The following ADAMTS12 variants were observed in gnomAD, a reference collection of about 807,000 sequenced individuals.
ADAMTS12 encodes the protein A disintegrin and metalloproteinase with thrombospondin motifs 12.
ADAMTS12 carries 118 observed loss-of-function variants against 167.8 expected under a neutral mutation model. The observed-to-expected ratio is 0.70, with a 90% CI of 0.61 to 0.82. The LOEUF is 0.82. Ranked by LOEUF, ADAMTS12 falls within the 40% of genes least tolerant of loss-of-function variation. The probability of loss-of-function intolerance (pLI) is 0.00; values close to 1 mark genes in which losing one functional copy is unlikely to be tolerated. For missense variants in ADAMTS12, 1,916 were observed against 1,998.8 expected (o/e 0.96, Z 0.79); for synonymous variants, 704 against 716.9 (o/e 0.98, Z 0.29).
At chr5:33,643,222 G>A (rs1272886101) in intron 10 of ADAMTS12, among the ~76,000 whole-genome samples, 156 bp downstream of exon 10, 1 of 152,168 alleles carries the variant, frequency 6.6e-6, no homozygotes, top group Admixed American at 6.5e-5. Flanking sequence ...ACCAGGAGTG[G>A]TGGATGTGGG....
At position 33,616,088 on chromosome 5, in the gene ADAMTS12, A is replaced by G. The variant is rs988593212; in HGVS notation, c.2144-16T>C. 1 of 1,612,344 alleles carries G rather than the reference A, an allele frequency of 6.2e-7. No individual in the cohort carries two copies. Among genetic ancestry groups the G allele is most frequent in the East Asian group, 2.2e-5 (1 of 44,816 alleles). On this transcript the variant is annotated splice_polypyrimidine_tract_variant and intron_variant, in intron 14 of 23. Transcript: ENST00000504830. ...TCAACATAACCTAAAGAGAGAAGAC[A>G]CAATCATGAAAGAGGCACGCCAGCT...
At chr5:33,593,688 G>A (rs1195771242) in intron 17 of ADAMTS12, among the ~76,000 whole-genome samples, 1 of 152,108 alleles carries the variant, frequency 6.6e-6, no homozygotes, top group Non-Finnish European at 1.5e-5. Flanking sequence ...AGGGAGTTGG[G>A]GGGCTAGGGG....
At chr5:33,823,091 TAA>T (rs34101310) in intron 2 of ADAMTS12, among the ~76,000 whole-genome samples, 198 of 140,136 alleles carry the variant, frequency 1.4e-3, no homozygotes, top group Non-Finnish European at 1.8e-3. Flanking sequence ...ACCCCATTTC[TAA>T]AAAAAAAAAA....
intron 2 of ADAMTS12, among the ~76,000 whole-genome samples, chr5:33,765,319 A>G (rs1175001819): frequency 6.6e-6 from 1 of 152,232 alleles, no homozygotes; most frequent in Non-Finnish European, 1.5e-5. Context: ...TTCACCTGAG[A>G]GAATTAGTAA....
chr5:33,561,282 A>G, intron 19 of ADAMTS12, 103 bp from the exon 20 acceptor site: 1 of 1,414,446 alleles, frequency 7.1e-7, no homozygotes, highest in Non-Finnish European at 9.5e-7. Context: ...GTTTGCTAAC[A>G]TTGCCCACAG....
intron 3 of ADAMTS12, among the ~76,000 whole-genome samples, chr5:33,718,029 C>T (rs541202880): frequency 2.6e-5 from 4 of 152,298 alleles, no homozygotes; most frequent in East Asian, 1.9e-4. Context: ...TTTTAAATTG[C>T]GCTTCTCACG....
chr5:33,661,999 A>C lies in ADAMTS12; in HGVS notation c.957T>G (p.Ser319=), dbSNP rs1486460191. The C allele has an allele frequency of 6.2e-7, 1 of 1,612,822 alleles. No individual in the cohort carries two copies. The highest frequency in any genetic ancestry group is 8.5e-7 in the Non-Finnish European group (1 of 1,179,634). Residue 319 remains serine (S), a synonymous_variant, in exon 6 of 24, where the codon TCT becomes TCG. Transcript: ENST00000504830. ...TACTCTTCTGCCACTTGCAGAAGCTAGACAGTGTCTTTTCTGCATGGTGAA... is the reference window on the plus strand; with the variant it reads ...TACTCTTCTGCCACTTGCAGAAGCTCGACAGTGTCTTTTCTGCATGGTGAA... ...KIVHHAEKTL[S]SFCKWQKSIN...
At chr5:33,885,284 TAATA>T (rs979403884) in intron 1 of ADAMTS12, among the ~76,000 whole-genome samples, 1 of 152,286 alleles carries the variant, frequency 6.6e-6, no homozygotes, top group African/African-American at 2.4e-5. Flanking sequence ...TGAGATATAT[TAATA>T]TATATGCATA....
chr5:33,823,268 ATGAG>A (rs992197306), intron 2 of ADAMTS12, among the ~76,000 whole-genome samples: 2 of 152,200 alleles, frequency 1.3e-5, no homozygotes, highest in Non-Finnish European at 2.9e-5. Context: ...GGTAACATGA[ATGAG>A]TGAAGCACAC....
intron 3 of ADAMTS12, among the ~76,000 whole-genome samples, chr5:33,729,477 C>T (rs1744100600): frequency 6.6e-6 from 1 of 152,230 alleles, no homozygotes; most frequent in Non-Finnish European, 1.5e-5. Context: ...ATTAAGTCTC[C>T]TTCCCATTTC....
rs1743769870 is a variant in ADAMTS12, at chr5:33,525,425, T to C, written c.*1763A>G. On this transcript the variant is annotated 3_prime_UTR_variant, in exon 24 of 24. Coordinates refer to ENST00000504830, the MANE Select transcript of ADAMTS12 (RefSeq NM_030955.4). ...AGGAATTCATGAGAGTAATACACGTTAATGGCTTGGAAAAAAATAAAAAGC... is the reference window on the plus strand; with the variant it reads ...AGGAATTCATGAGAGTAATACACGTCAATGGCTTGGAAAAAAATAAAAAGC... The C allele has an allele frequency of 6.6e-6, 1 of 152,230 alleles. No homozygotes were observed. Among genetic ancestry groups the C allele is most frequent in the African/African-American group, 2.4e-5 (1 of 41,456 alleles). The allele number at this position is 152,230 out of a possible 1,614,324, so 9.4% of individuals were successfully genotyped here. A position where few individuals can be genotyped will look rare whatever the true frequency, so the allele number is the denominator to read the frequency against.
intron 3 of ADAMTS12, among the ~76,000 whole-genome samples, chr5:33,704,272 G>A (rs77477692): frequency 0.013 from 1,997 of 152,080 alleles, 44 homozygotes; most frequent in African/African-American, 0.046. Flanking sequence ...GATCGCTTCC[G>A]TATCTTGGCT....
chr5:33,662,122 G>A, intron 5 of ADAMTS12, 82 bp from the exon 6 acceptor site: 1 of 1,540,550 alleles, frequency 6.5e-7, no homozygotes, highest in Non-Finnish European at 8.8e-7. Flanking sequence ...ATCTCCAGAG[G>A]TGTCCAAGTG....
intron 17 of ADAMTS12, among the ~76,000 whole-genome samples, chr5:33,593,592 C>T (rs1329057585): frequency 2.0e-5 from 3 of 152,228 alleles, no homozygotes; most frequent in South Asian, 4.1e-4. Flanking sequence ...AAACCAAATA[C>T]CATGTCATGT....
intron 2 of ADAMTS12, among the ~76,000 whole-genome samples, chr5:33,824,536 G>T (rs1747988108): frequency 6.6e-6 from 1 of 152,114 alleles, no homozygotes; most frequent in Admixed American, 6.5e-5. Flanking sequence ...CTAAAGAATA[G>T]ATTCCTCCAC....
chr5:33,720,750 C>A lies in ADAMTS12; in HGVS notation c.634+30654G>T, dbSNP rs186953766. 4.6e-5 allele frequency among the ~76,000 whole-genome samples: 7 copies of A among 152,230 alleles called. No individual in the cohort carries two copies. The East Asian group carries it at 1.4e-3, about 29-fold the overall frequency. On this transcript the variant is annotated intron_variant, in intron 3 of 23. Coordinates refer to ENST00000504830, the MANE Select transcript of ADAMTS12 (RefSeq NM_030955.4). ...GAAACCCTTATACACTGCTGGTGAG[C>A]GGGTAAATTGGTACAACCATTTTGC...
At chr5:33,722,874 C>T (rs150889186) in intron 3 of ADAMTS12, among the ~76,000 whole-genome samples, 5 of 152,238 alleles carry the variant, frequency 3.3e-5, no homozygotes, top group African/African-American at 1.2e-4. Flanking sequence ...AGCAAACTGG[C>T]CTATAGTGAG....
chr5:33,844,485 A>G lies in ADAMTS12; in HGVS notation c.489+36634T>C, dbSNP rs140247667. On this transcript the variant is annotated intron_variant, in intron 2 of 23. Transcript: ENST00000504830. ...CTATGGTGGAAACTGTAGGGATGAA[A>G]TAAGTCCCAGTCTCCCATAGTGCTC... 6.6e-3 allele frequency among the ~76,000 whole-genome samples: 1,009 copies of G among 152,312 alleles called. 13 individuals carry two copies. The highest frequency in any genetic ancestry group is 0.023 in the African/African-American group (971 of 41,552).
intron 18 of ADAMTS12, among the ~76,000 whole-genome samples, chr5:33,587,006 G>A (rs979175697): frequency 1.3e-5 from 2 of 150,646 alleles, no homozygotes; most frequent in East Asian, 3.9e-4. Flanking sequence ...CCACTGGATG[G>A]AAGTTCTTAC....
Sources: gnomAD v4.1 joint callset for allele counts (sites outside exome capture counted in the v4.1 genomes callset) on GRCh38, gnomAD v4.1.1 for gene constraint, MANE v1.5 for transcripts, NCBI Gene and HGNC (gene_info 2026-07-23, HGNC 2026-07-21) for gene names.